Variants in FBXL13 observed in about 807,000 individuals in gnomAD.
FBXL13 encodes F-box and leucine rich repeat protein 13.
A neutral mutation model predicts 83.6 loss-of-function variants in FBXL13; 67 were observed. The ratio of observed to expected loss-of-function variants is 0.80; its 90% CI spans 0.66 to 0.98. The LOEUF (loss-of-function observed/expected upper bound fraction) is 0.98, where lower values mean the gene tolerates loss of function less well. Ranked by LOEUF, FBXL13 falls within the 50% of genes least tolerant of loss-of-function variation. The probability of loss-of-function intolerance (pLI) is 0.00; values close to 1 mark genes in which losing one functional copy is unlikely to be tolerated. For missense variants in FBXL13, 822 were observed against 866.5 expected (o/e 0.95, Z 0.64); for synonymous variants, 272 against 299.5 (o/e 0.91, Z 0.95).
chr7:102,856,879 T>G (rs1806119498), intron 16 of FBXL13, among the ~76,000 whole-genome samples: 1 of 152,206 alleles, frequency 6.6e-6, no homozygotes, highest in South Asian at 2.1e-4. Flanking sequence ...ACCCAGCAAT[T>G]CTACTCCTAG....
chr7:102,962,467 G>A (rs1170449812), intron 8 of FBXL13, among the ~76,000 whole-genome samples: 1 of 152,134 alleles, frequency 6.6e-6, no homozygotes, highest in Admixed American at 6.5e-5. Flanking sequence ...ATTTGACCCA[G>A]CCATCCCATT....
At position 102,875,643 on chromosome 7, in the gene FBXL13, C is replaced by T. The variant is rs147453121; in HGVS notation, c.1635+1824G>A. ...GTCAACGGGAAAAGCAGAAACAACC[C>T]TGAGCATGCAAAACTGAGGAGATTT... On this transcript the variant is annotated intron_variant, in intron 16 of 19. Transcript: ENST00000313221. Among the ~76,000 whole-genome samples, 568 of 152,208 alleles carry T rather than the reference C, an allele frequency of 3.7e-3. 5 individuals are homozygous for T. Among genetic ancestry groups the T allele is most frequent in the African/African-American group, 0.014 (561 of 41,520 alleles).
intron 8 of FBXL13, chr7:102,933,787 C>T (rs1340365639): frequency 7.1e-6 from 7 of 981,362 alleles, no homozygotes; most frequent in Non-Finnish European, 1.0e-5. Flanking sequence ...AGGGACTCCA[C>T]GTACCCCAGC....
intron 16 of FBXL13, among the ~76,000 whole-genome samples, chr7:102,864,336 C>T (rs1269879619): frequency 6.6e-6 from 1 of 151,998 alleles, no homozygotes; most frequent in Non-Finnish European, 1.5e-5. Flanking sequence ...AAAAAGCTTC[C>T]CTTGACTCCT....
At chr7:102,837,763 G>C (rs1024737874) in intron 17 of FBXL13, among the ~76,000 whole-genome samples, 2 of 152,014 alleles carry the variant, frequency 1.3e-5, no homozygotes, top group Non-Finnish European at 2.9e-5. Flanking sequence ...GGCTGATCTC[G>C]AACTCCTGGC....
In FBXL13 at chr7:102,976,313, A is replaced by C. The variant is rs547515699; in HGVS notation, c.496-8196T>G. ...TTTTCAGGACCCACCCAGTCCTCCC[A>C]AGTCTCTATTGTGGAAATTGATGAA... On this transcript the variant is annotated intron_variant, in intron 6 of 19. Coordinates refer to ENST00000313221, the Ensembl canonical transcript of FBXL13. 1.0e-4 allele frequency: 66 copies of C among 649,010 alleles called. 3 individuals carry two copies. The highest frequency in any genetic ancestry group is 9.8e-4 in the South Asian group (55 of 56,006). 40.2% of individuals were successfully genotyped at this position (649,010 alleles called of 1,614,324 possible).
intron 8 of FBXL13, chr7:102,934,693 C>T (rs1819950210): frequency 6.4e-7 from 1 of 1,562,628 alleles, no homozygotes; most frequent in South Asian, 1.2e-5. Flanking sequence ...AAGGTTTGTA[C>T]TTTTCTTACT....
At chr7:103,018,586 A>G (rs1265985092) in intron 6 of FBXL13, among the ~76,000 whole-genome samples, 1 of 152,186 alleles carries the variant, frequency 6.6e-6, no homozygotes, top group Admixed American at 6.5e-5. Flanking sequence ...CCAATTTCAC[A>G]TGCAGAGGCA....
intron 17 of FBXL13, among the ~76,000 whole-genome samples, chr7:102,835,975 C>A (rs1274215077): frequency 6.6e-6 from 1 of 151,906 alleles, no homozygotes; most frequent in African/African-American, 2.4e-5. Flanking sequence ...GTTAGAGGAA[C>A]CAGAGAAAAA....
At chr7:103,000,912 T>C (rs141337684) in intron 6 of FBXL13, among the ~76,000 whole-genome samples, 10 of 152,268 alleles carry the variant, frequency 6.6e-5, no homozygotes, top group Non-Finnish European at 1.5e-4. Context: ...ACTCCTGCTC[T>C]TTTTTGGTTT....
intron 16 of FBXL13, among the ~76,000 whole-genome samples, chr7:102,875,852 A>AG (rs2129457669): frequency 6.6e-6 from 1 of 152,280 alleles, no homozygotes; most frequent in South Asian, 2.1e-4. Flanking sequence ...CTGGAACCAC[A>AG]GCAGGCCTGT....
intron 6 of FBXL13, among the ~76,000 whole-genome samples, chr7:102,992,025 T>C (rs903355118): frequency 6.6e-6 from 1 of 152,158 alleles, no homozygotes; most frequent in African/African-American, 2.4e-5. Context: ...CTGTTAATGC[T>C]TTGGTTCTCA....
chr7:103,023,541 A>G (rs963769570), intron 6 of FBXL13, among the ~76,000 whole-genome samples: 2 of 152,226 alleles, frequency 1.3e-5, no homozygotes, highest in Non-Finnish European at 2.9e-5. Flanking sequence ...AAATTAGCTC[A>G]GCCATTGTGG....
intron 6 of FBXL13, among the ~76,000 whole-genome samples, chr7:103,003,779 G>T (rs1411149173): frequency 6.6e-6 from 1 of 151,966 alleles, no homozygotes; most frequent in Non-Finnish European, 1.5e-5. Context: ...GTTTTACCAT[G>T]TTGGCCAGGC....
chr7:102,973,820 T>C (rs1271093703), intron 6 of FBXL13: 1 of 714,708 alleles, frequency 1.4e-6, no homozygotes, highest in South Asian at 1.5e-5. Flanking sequence ...ATACAGCCTC[T>C]CTTGGTTTCT....
At chr7:102,954,763 T>C (rs185374108) in intron 8 of FBXL13, among the ~76,000 whole-genome samples, 2 of 152,166 alleles carry the variant, frequency 1.3e-5, no homozygotes, top group East Asian at 3.9e-4. Context: ...TAAAACAGAC[T>C]TTAAACCAAC....
At chr7:103,005,330 G>A (rs1444403229) in intron 6 of FBXL13, among the ~76,000 whole-genome samples, 3 of 152,122 alleles carry the variant, frequency 2.0e-5, no homozygotes, top group East Asian at 1.9e-4. Context: ...TGAGGAAGGA[G>A]GTAAGAAAGA....
At chr7:102,867,788 C>T (rs1275274597) in intron 16 of FBXL13, among the ~76,000 whole-genome samples, 5 of 145,774 alleles carry the variant, frequency 3.4e-5, no homozygotes, top group South Asian at 2.2e-4. Context: ...CTGCAAGCTC[C>T]GCCTCCCGGG....
intron 2 of FBXL13, among the ~76,000 whole-genome samples, chr7:103,033,967 C>T (rs539319396): frequency 2.6e-5 from 4 of 151,856 alleles, no homozygotes; most frequent in East Asian, 3.9e-4. Context: ...TACAGAGTGT[C>T]GACACAAAGG....
Sources: allele counts gnomAD v4.1 joint callset (sites outside exome capture counted in the v4.1 genomes callset), GRCh38; gene constraint gnomAD v4.1.1; transcripts MANE v1.5; gene names NCBI Gene and HGNC (gene_info 2026-07-23, HGNC 2026-07-21).